LINGO2: variants seen among roughly 807,000 people sequenced by gnomAD.
LINGO2 encodes the protein leucine-rich repeat and immunoglobulin-like domain-containing nogo receptor-interacting protein 2.
Under a neutral mutation model 30.6 loss-of-function variants are expected in LINGO2, and 14 were observed. That is an observed-to-expected ratio of 0.46 (90% CI 0.30 to 0.72). The LOEUF (loss-of-function observed/expected upper bound fraction) is 0.72. Ranked by LOEUF, LINGO2 falls within the 30% of genes least tolerant of loss-of-function variation. LINGO2 has a pLI of 0.07. For synonymous variants in LINGO2, 317 were observed against 288.5 expected, an observed-to-expected ratio of 1.10 and a Z score of -1.00; for missense variants, 729 against 751.7, an observed-to-expected ratio of 0.97 and a Z score of 0.35.
At chr9:29,146,211 C>T in the LINGO2 span, among the ~76,000 whole-genome samples, 1 of 152,106 alleles carries the variant, frequency 6.6e-6, no homozygotes, top group Admixed American at 6.6e-5. Context: ...CAAAAATTAG[C>T]TAAGCGTGGT....
the LINGO2 span, among the ~76,000 whole-genome samples, chr9:28,685,827 G>A: frequency 3.3e-5 from 5 of 152,026 alleles, no homozygotes; most frequent in Non-Finnish European, 7.4e-5. Context: ...CTAGACATAC[G>A]TATTTCCTCA....
intron 4 of LINGO2, among the ~76,000 whole-genome samples, chr9:28,080,223 A>C (rs1222955828): frequency 6.6e-6 from 1 of 152,224 alleles, no homozygotes; most frequent in East Asian, 1.9e-4. Context: ...TCTTTGCTTA[A>C]CGTTATTTTA....
rs919914215 is a variant in LINGO2, at chr9:28,329,908, T to C, written c.-245-34542A>G. ...CTATTTGTGTATTTAGCTCTTCCAA[T>C]AGACACTTTCTTTTAATTTTTATGT... On this transcript the variant is annotated intron_variant, in intron 3 of 5. Coordinates refer to ENST00000379992, the Ensembl canonical transcript of LINGO2. The surrounding 1 kb of genome is among the most constrained non-coding windows in gnomAD (Gnocchi z 4.5). Among the ~76,000 whole-genome samples the C allele has an allele frequency of 6.6e-6, 1 of 152,198 alleles. No homozygotes were observed. The highest frequency in any genetic ancestry group is 1.5e-5 in the Non-Finnish European group (1 of 68,036).
At chr9:29,178,658 T>TATAG in the LINGO2 span, among the ~76,000 whole-genome samples, 1 of 152,106 alleles carries the variant, frequency 6.6e-6, no homozygotes, top group African/African-American at 2.4e-5. Flanking sequence ...AAACTATGTA[T>TATAG]ATAGGGAAGG....
At chr9:28,262,939 C>A (rs1373318858) in intron 4 of LINGO2, among the ~76,000 whole-genome samples, 1 of 151,958 alleles carries the variant, frequency 6.6e-6, no homozygotes, top group South Asian at 2.1e-4. Context: ...GTACTCTAAA[C>A]TTAGAAGCTT....
intron 4 of LINGO2, among the ~76,000 whole-genome samples, chr9:28,081,827 TTG>T (rs1825781715): frequency 3.4e-5 from 1 of 29,490 alleles, no homozygotes; most frequent in South Asian, 3.2e-3. Context: ...ATGTTAGCAA[TTG>T]TTTTTTTTTC....
At chr9:28,083,353 G>A (rs981428285) in intron 4 of LINGO2, among the ~76,000 whole-genome samples, 1 of 152,118 alleles carries the variant, frequency 6.6e-6, no homozygotes, top group Non-Finnish European at 1.5e-5. Context: ...CTCTGCCTCT[G>A]GGTGATGGTG....
chr9:28,013,848 T>TA (rs1822682792), intron 4 of LINGO2, among the ~76,000 whole-genome samples: 1 of 152,216 alleles, frequency 6.6e-6, no homozygotes, highest in Non-Finnish European at 1.5e-5. Flanking sequence ...GATAGGGTTT[T>TA]AACTAGTTGT....
chr9:28,664,342 TA>T (rs2136020514), intron 1 of LINGO2, among the ~76,000 whole-genome samples: 1 of 152,130 alleles, frequency 6.6e-6, no homozygotes, highest in South Asian at 2.1e-4. Context: ...TAAATGCTAA[TA>T]TAGAGAGCTG....
upstream of LINGO2, among the ~76,000 whole-genome samples, chr9:28,672,906 T>C (rs1829077129): frequency 6.6e-6 from 1 of 152,108 alleles, no homozygotes; most frequent in Non-Finnish European, 1.5e-5. Context: ...TAAGACTCAA[T>C]ATTATTTGAG....
chr9:29,103,958 T>C, the LINGO2 span, among the ~76,000 whole-genome samples: 1 of 152,216 alleles, frequency 6.6e-6, no homozygotes, highest in Non-Finnish European at 1.5e-5. Context: ...TTCTTTTCTC[T>C]AAATTTGGAC....
At chr9:28,092,811 A>C (rs1280472227) in intron 4 of LINGO2, among the ~76,000 whole-genome samples, 1 of 152,136 alleles carries the variant, frequency 6.6e-6, no homozygotes, top group African/African-American at 2.4e-5. Flanking sequence ...CAATAATAAG[A>C]ATGTGACATC....
At chr9:28,500,827 G>A (rs886416349) in intron 1 of LINGO2, among the ~76,000 whole-genome samples, 7 of 152,110 alleles carry the variant, frequency 4.6e-5, no homozygotes, top group African/African-American at 1.7e-4. Flanking sequence ...AGTAAAAAAT[G>A]AGGCTGTATT....
At chr9:28,620,191 T>C (rs1440014305) in intron 1 of LINGO2, among the ~76,000 whole-genome samples, 1 of 152,086 alleles carries the variant, frequency 6.6e-6, no homozygotes, top group Non-Finnish European at 1.5e-5. Flanking sequence ...CATTGTTTTC[T>C]TCCCAGGTGA....
chr9:28,785,482 T>C, the LINGO2 span, among the ~76,000 whole-genome samples: 3 of 152,276 alleles, frequency 2.0e-5, no homozygotes, highest in East Asian at 3.9e-4. Context: ...TCGCTTTGCT[T>C]ATTGATTTAT....
chr9:27,989,987 G>C (rs149653631), intron 5 of LINGO2, among the ~76,000 whole-genome samples: 1 of 152,008 alleles, frequency 6.6e-6, no homozygotes, highest in Admixed American at 6.6e-5. Flanking sequence ...TCCAGCTCTA[G>C]GAACCTCAAT....
chr9:28,604,302 AT>A (rs1825613890), intron 1 of LINGO2, among the ~76,000 whole-genome samples: 1 of 152,034 alleles, frequency 6.6e-6, no homozygotes, highest in Non-Finnish European at 1.5e-5. Flanking sequence ...TAATCCTCAA[AT>A]TCAAAAACAC....
chr9:28,543,044 A>C (rs1587830176), intron 1 of LINGO2, among the ~76,000 whole-genome samples: 1 of 152,158 alleles, frequency 6.6e-6, no homozygotes, highest in African/African-American at 2.4e-5. Flanking sequence ...TCCTTTGCCA[A>C]ATGCACTAGA....
chr9:28,957,464 T>C, the LINGO2 span, among the ~76,000 whole-genome samples: 1 of 152,192 alleles, frequency 6.6e-6, no homozygotes, highest in East Asian at 1.9e-4. Context: ...TATGGGTATG[T>C]TCTTTCTTTT....
Sources: gnomAD v4.1 joint callset for allele counts (sites outside exome capture counted in the v4.1 genomes callset) on GRCh38, gnomAD v4.1.1 for gene constraint, Gnocchi (gnomAD v3.1) non-coding constraint, MANE v1.5 for transcripts, NCBI Gene and HGNC (gene_info 2026-07-23, HGNC 2026-07-21) for gene names.